Variants in JMJD1C observed in about 807,000 individuals in gnomAD.
The protein encoded by JMJD1C is jumonji domain-containing protein 1C.
A neutral mutation model predicts 245.3 loss-of-function variants in JMJD1C; 31 were observed. The ratio of observed to expected loss-of-function variants is 0.13; its 90% confidence interval spans 0.09 to 0.17. The LOEUF is 0.17. Ranked by LOEUF, JMJD1C falls within the 10% of genes least tolerant of loss-of-function variation. JMJD1C has a pLI of 1.00. For missense variants in JMJD1C, 2,691 were observed against 3,000.2 expected (o/e 0.90, Z 2.41); for synonymous variants, 1,057 against 1,017.4 (o/e 1.04, Z -0.74).
intron 3 of JMJD1C, among the ~76,000 whole-genome samples, chr10:63,225,417 C>T (rs1849144180): frequency 1.3e-5 from 2 of 152,224 alleles, no homozygotes; most frequent in East Asian, 3.9e-4. Context: ...TGTGTTGTTC[C>T]TCCTCTTGCA....
chr10:63,269,622 A>C (rs1209574505), intron 2 of JMJD1C, among the ~76,000 whole-genome samples: 1 of 152,152 alleles, frequency 6.6e-6, no homozygotes, highest in African/African-American at 2.4e-5. Context: ...AATATTAAAA[A>C]CTTCAAAATA....
At chr10:63,444,859 C>T (rs1242392228) in intron 1 of JMJD1C, among the ~76,000 whole-genome samples, 1 of 152,094 alleles carries the variant, frequency 6.6e-6, no homozygotes, top group Non-Finnish European at 1.5e-5. Context: ...TTTATCAAAG[C>T]TGATAAAAGT....
chr10:63,350,640 G>A (rs1464883338), intron 2 of JMJD1C, among the ~76,000 whole-genome samples: 13 of 148,460 alleles, frequency 8.8e-5, no homozygotes, highest in African/African-American at 2.2e-4. Context: ...TTTTTGAGAC[G>A]GAGTCTCACT....
chr10:63,287,840 T>C (rs1858173093), intron 2 of JMJD1C, among the ~76,000 whole-genome samples: 1 of 152,116 alleles, frequency 6.6e-6, no homozygotes, highest in African/African-American at 2.4e-5. Flanking sequence ...CCTCCACTTC[T>C]GGGTTCAAGT....
At chr10:63,281,311 T>G (rs35627771) in intron 2 of JMJD1C, among the ~76,000 whole-genome samples, 98,004 of 139,256 alleles carry the variant, frequency 0.7, 34,791 homozygotes, top group Non-Finnish European at 0.81. Context: ...ATTTTTCTGT[T>G]TTTTTTTTTT....
chr10:63,195,764 TA>T (rs1845388484), intron 13 of JMJD1C, among the ~76,000 whole-genome samples: 1 of 151,044 alleles, frequency 6.6e-6, no homozygotes, highest in Non-Finnish European at 1.5e-5. Context: ...CCGTCCCTAC[TA>T]AAAATACAAA....
chr10:63,263,967 C>G (rs1447087655), intron 3 of JMJD1C, among the ~76,000 whole-genome samples: 1 of 97,476 alleles, frequency 1.0e-5, no homozygotes, highest in Non-Finnish European at 2.1e-5. Context: ...CATACACACA[C>G]ACACACACAC....
intron 1 of JMJD1C, among the ~76,000 whole-genome samples, chr10:63,387,616 AAAG>A (rs1366442494): frequency 9.0e-6 from 1 of 111,644 alleles, no homozygotes; most frequent in Admixed American, 1.1e-4. Context: ...TCAGAAGAAA[AAAG>A]AAAAAAAAAA....
At chr10:63,418,567 AC>A (rs1949930022) in intron 1 of JMJD1C, among the ~76,000 whole-genome samples, 1 of 152,190 alleles carries the variant, frequency 6.6e-6, no homozygotes, top group Admixed American at 6.5e-5. Flanking sequence ...CCATGCCAAA[AC>A]CAGTTAATAT....
At chr10:63,469,944 T>C (rs1364272602), upstream of JMJD1C, among the ~76,000 whole-genome samples, 3 of 152,188 alleles carry the variant, frequency 2.0e-5, no homozygotes, top group African/African-American at 4.8e-5. Flanking sequence ...GGGGTTTGTA[T>C]ACCCTAAGCA....
At chr10:63,355,418 T>C (rs1944749746) in intron 2 of JMJD1C, among the ~76,000 whole-genome samples, 3 of 152,220 alleles carry the variant, frequency 2.0e-5, no homozygotes, top group Non-Finnish European at 2.9e-5. Context: ...CTATGCAATT[T>C]TGTAATGTGC....
chr10:63,326,379 CAAAA>C (rs869162423), intron 2 of JMJD1C, among the ~76,000 whole-genome samples: 1 of 113,978 alleles, frequency 8.8e-6, no homozygotes, highest in African/African-American at 3.5e-5. Context: ...AATTCCATCT[CAAAA>C]ATAAATAAAT....
chr10:63,355,810 C>A (rs747952010), intron 2 of JMJD1C, among the ~76,000 whole-genome samples: 1 of 151,454 alleles, frequency 6.6e-6, no homozygotes, highest in East Asian at 1.9e-4. Context: ...ATGAGATGGG[C>A]GCCCAGTGAG....
At chr10:63,453,786 T>G (rs1170958562) in intron 1 of JMJD1C, among the ~76,000 whole-genome samples, 6 of 152,228 alleles carry the variant, frequency 3.9e-5, no homozygotes, top group African/African-American at 1.4e-4. Context: ...TTGCCCAGGT[T>G]GAAGGACAGT....
In JMJD1C at chr10:63,203,020, A is replaced by G. The variant is rs1479983832; in HGVS notation, c.5075-2343T>C. Reference sequence around the variant, plus strand: ...TGAACAACTCAGATAGTACTATAGTAAAGAATCAGACATTTCAAAGCAAAT... The same window carrying G: ...TGAACAACTCAGATAGTACTATAGTGAAGAATCAGACATTTCAAAGCAAAT... On this transcript the variant is annotated intron_variant, in intron 10 of 25. Coordinates refer to ENST00000399262, the MANE Select transcript of JMJD1C (RefSeq NM_032776.3). 3.0e-6 allele frequency: 3 copies of G among 984,966 alleles called. No homozygotes were observed. In the African/African-American group the frequency reaches 5.2e-5, roughly 17 times the overall value. The allele number at this position is 984,966 out of a possible 1,614,324, so 61.0% of individuals were successfully genotyped here. A position where few individuals can be genotyped will look rare whatever the true frequency, so the allele number is the denominator to read the frequency against.
rs1273669583 is a variant in JMJD1C, at chr10:63,208,369, A to G, written c.3300T>C (p.Ser1100=). 3.7e-6 allele frequency: 6 copies of G among 1,613,570 alleles called. No homozygotes were observed. The highest frequency in any genetic ancestry group is 1.7e-5 in the Admixed American group (1 of 59,998). The part of the protein sequence containing the change: ...QSNYFTTLSN[S]VVNEPPRSYP... Reference sequence around the variant, plus strand: ...ATGATCTTGGTGGTTCATTGACCACACTATTAGACAATGTAGTGAAATAGT... The same window carrying G: ...ATGATCTTGGTGGTTCATTGACCACGCTATTAGACAATGTAGTGAAATAGT... Residue 1100 remains serine (S), a synonymous_variant, in exon 10 of 26, where the codon AGT becomes AGC. Coordinates refer to ENST00000399262, the MANE Select transcript of JMJD1C (RefSeq NM_032776.3).
At chr10:63,366,179 G>A (rs2134396684) in intron 2 of JMJD1C, among the ~76,000 whole-genome samples, 1 of 152,288 alleles carries the variant, frequency 6.6e-6, no homozygotes, top group South Asian at 2.1e-4. Context: ...AGCAGCAGGA[G>A]ACTAAAGGTC....
Position 63,206,700 on chromosome 10 carries a change from A to G in JMJD1C, c.4969T>C (p.Leu1657=). Residue 1657 remains leucine, a synonymous_variant, in exon 10 of 26, where the codon TTG becomes CTG. Transcript: ENST00000399262. ...TCTATTTCACCTTTTCTCTTTTGCA[A>G]ATCATTTTGCTTCTTTTTGTAAGTT... The part of the protein sequence containing the change: ...KPTYKKKQND[L]QKRKGEIEED... 6.2e-7 allele frequency: 1 copy of G among 1,613,678 alleles called. No individual in the cohort carries two copies.
intron 2 of JMJD1C, among the ~76,000 whole-genome samples, chr10:63,335,023 G>A (rs1470572701): frequency 6.3e-4 from 64 of 100,844 alleles, no homozygotes; most frequent in Non-Finnish European, 7.5e-4. Context: ...TCTGTCTTTG[G>A]AAAAAAATAA....
Sources: gnomAD v4.1 joint callset for allele counts (sites outside exome capture counted in the v4.1 genomes callset) on GRCh38, gnomAD v4.1.1 for gene constraint, MANE v1.5 for transcripts, NCBI Gene and HGNC (gene_info 2026-07-23, HGNC 2026-07-21) for gene names.